Variants in ZNF888 observed in about 807,000 individuals in gnomAD.
ZNF888 encodes the protein CTD-2331H12.6.
In ZNF888, 5 loss-of-function variants were observed where a neutral mutation model predicts 7.2. That is an observed-to-expected ratio of 0.70 (90% CI 0.36 to 1.46). The LOEUF (loss-of-function observed/expected upper bound fraction) is 1.46, where lower values mean the gene tolerates loss of function less well. ZNF888 is among the 40% of genes most tolerant of loss of function. The probability of loss-of-function intolerance (pLI) is 0.03; values close to 1 mark genes in which losing one functional copy is unlikely to be tolerated. For synonymous variants in ZNF888, 240 were observed against 284.3 expected, an observed-to-expected ratio of 0.84 and a Z score of 1.57; for missense variants, 716 against 858.0, an observed-to-expected ratio of 0.83 and a Z score of 2.07.
intron 4 of ZNF888, among the ~76,000 whole-genome samples, chr19:52,912,300 A>G (rs1391365461): frequency 6.8e-6 from 1 of 146,936 alleles, no homozygotes; most frequent in Non-Finnish European, 1.5e-5. Context: ...TTTTTAGTAG[A>G]GATGGGGTTT....
Position 52,905,856 on chromosome 19 carries a change from T to C in ZNF888, c.*309A>G. On this transcript the variant is annotated 3_prime_UTR_variant, in exon 5 of 5. Transcript: ENST00000638862. ...TTGTAAGATTTCTGTCCAGTATGGA[T>C]TCTTTGATGTCTAATGAGGTGTGAA... 1 of 734,536 alleles carries C rather than the reference T, an allele frequency of 1.4e-6. No homozygotes were observed. Among genetic ancestry groups the C allele is most frequent in the Admixed American group, 1.8e-5 (1 of 55,474 alleles). The allele number at this position is 734,536 out of a possible 1,614,324, so 45.5% of individuals were successfully genotyped here. A position where few individuals can be genotyped will look rare whatever the true frequency, so the allele number is the denominator to read the frequency against.
Position 52,905,942 on chromosome 19 carries a change from TCTC to T in ZNF888, c.*220_*222del. 10 of 829,558 alleles carry T rather than the reference TCTC, an allele frequency of 1.2e-5. 1 individual carries two copies. Among genetic ancestry groups the T allele is most frequent in the Middle Eastern group, 4.5e-4 (2 of 4,490 alleles). The allele number at this position is 829,558 out of a possible 1,614,324, so 51.4% of individuals were successfully genotyped here. A position where few individuals can be genotyped will look rare whatever the true frequency, so the allele number is the denominator to read the frequency against. ...TGTGAGGTTTCTCTCCTGTATGAAT[TCTC>T]CTGTTTTGCATAGGATGAAGCTTGA... On this transcript the variant is annotated 3_prime_UTR_variant, in exon 5 of 5. Coordinates refer to ENST00000638862, the MANE Select transcript of ZNF888 (RefSeq NM_001393938.1).
chr19:52,923,158 C>G (rs901011958), intron 1 of ZNF888, among the ~76,000 whole-genome samples: 1 of 152,120 alleles, frequency 6.6e-6, no homozygotes, highest in Non-Finnish European at 1.5e-5. Context: ...ATACATTGCC[C>G]TATAGCAAAA....
At chr19:52,914,273 C>T (rs2064718657) in intron 4 of ZNF888, 1 of 846,036 alleles carries the variant, frequency 1.2e-6, no homozygotes, top group Non-Finnish European at 1.4e-6. Flanking sequence ...TCCACTCTGC[C>T]CATCTGAGCT....
In ZNF888 at chr19:52,906,782, C is replaced by T. The variant is rs890494302; in HGVS notation, c.1540G>A (p.Val514Ile). The change falls in exon 5 of 5, where the codon GTA (valine) becomes ATA (isoleucine). Residue 514 changes from valine (V) to isoleucine (I), a missense_variant. By Grantham distance (29) the Val-to-Ile change is conservative (BLOSUM62 3). Transcript: ENST00000638862. ...TAAGGTTTCTCTCCAGTGTGAATTACAGTATGTTGTGCCAGGTGTGAATCA... is the reference window on the plus strand; with the variant it reads ...TAAGGTTTCTCTCCAGTGTGAATTATAGTATGTTGTGCCAGGTGTGAATCA... ...RRDSHLAQHT[V>I]IHTGEKPYKC... is the part of the protein sequence containing the mutation. 11 of 1,609,228 alleles carry T rather than the reference C, an allele frequency of 6.8e-6. No individual in the cohort carries two copies. The African/African-American group carries it at 1.2e-4, about 18-fold the overall frequency.
intron 4 of ZNF888, among the ~76,000 whole-genome samples, chr19:52,909,070 G>A (rs761406484): frequency 2.5e-4 from 37 of 150,810 alleles, no homozygotes; most frequent in Non-Finnish European, 3.5e-4. Context: ...GCTTGAACCC[G>A]GGAGGCGAAG....
intron 4 of ZNF888, among the ~76,000 whole-genome samples, chr19:52,910,785 A>C (rs1600679179): frequency 1.3e-5 from 2 of 152,252 alleles, no homozygotes; most frequent in South Asian, 4.1e-4. Context: ...TCTGTCTCTT[A>C]AGCCTCCCAG....
chr19:52,907,641 T>A lies in ZNF888; in HGVS notation c.681A>T (p.Ser227=), dbSNP rs545719676. 1.1e-5 allele frequency: 18 copies of A among 1,604,398 alleles called. No homozygotes were observed. The East Asian group carries it at 3.6e-4, about 32-fold the overall frequency. Reference sequence around the variant, plus strand: ...GAATTATCTGATGTTTTTTAAAGAGTGAGCTACAATTAAAGGATTTGCCAC... The same window carrying A: ...GAATTATCTGATGTTTTTTAAAGAGAGAGCTACAATTAAAGGATTTGCCAC... The part of the protein sequence containing the change: ...NESGKSFNCS[S]LFKKHQIIHL... The change falls in exon 5 of 5, where the codon TCA becomes TCT. Residue 227 remains serine, a synonymous_variant. Transcript: ENST00000638862.
At chr19:52,917,977 CAG>C in intron 2 of ZNF888, 46 bp from the exon 3 acceptor site, 3 of 1,590,012 alleles carry the variant, frequency 1.9e-6, no homozygotes, top group Non-Finnish European at 2.6e-6. Context: ...GTTTATTGCT[CAG>C]AGTCAACATA....
intron 1 of ZNF888, among the ~76,000 whole-genome samples, chr19:52,919,974 G>T (rs113774133): frequency 2.0e-5 from 1 of 50,724 alleles, no homozygotes; most frequent in Non-Finnish European, 4.2e-5. Context: ...CAGCCGCCCC[G>T]TCCGGGAGGT....
rs1294969604 is a variant in ZNF888 at position 52,923,398 on chromosome 19, T to C, written c.-207A>G. On this transcript the variant is annotated 5_prime_UTR_variant, in exon 1 of 5. Coordinates refer to ENST00000638862, the MANE Select transcript of ZNF888 (RefSeq NM_001393938.1). ...GCAGTGTGACTTCCAGTCCACGCGA[T>C]CCGCTTCCTGGTCCGGGCGAATCTA... is the stretch of plus-strand genomic sequence containing the variant. The C allele has an allele frequency of 4.1e-6, 4 of 985,494 alleles. No homozygotes were observed. Among genetic ancestry groups the C allele is most frequent in the Non-Finnish European group, 4.8e-6 (4 of 830,036 alleles). The allele number at this position is 985,494 out of a possible 1,614,324, so 61.0% of individuals were successfully genotyped here. A position where few individuals can be genotyped will look rare whatever the true frequency, so the allele number is the denominator to read the frequency against.
intron 3 of ZNF888, among the ~76,000 whole-genome samples, chr19:52,915,784 G>A (rs901681304): frequency 3.3e-5 from 2 of 60,802 alleles, no homozygotes; most frequent in South Asian, 4.7e-4. Context: ...CTCACATGAC[G>A]TCTTTATTAT....
chr19:52,912,181 T>C (rs541749738), intron 4 of ZNF888, among the ~76,000 whole-genome samples: 86 of 148,482 alleles, frequency 5.8e-4, no homozygotes, highest in African/African-American at 2.1e-3. Context: ...TGGCAAGATC[T>C]CGGCTCACTG....
At chr19:52,923,056 G>T (rs1188648836) in intron 1 of ZNF888, among the ~76,000 whole-genome samples, 1 of 152,164 alleles carries the variant, frequency 6.6e-6, no homozygotes, top group Admixed American at 6.5e-5. Flanking sequence ...GCCAGAGCAG[G>T]GATCCACCTC....
chr19:52,923,134 G>A lies in ZNF888; in HGVS notation c.-178+235C>T, dbSNP rs545186470. On this transcript the variant is annotated intron_variant, in intron 1 of 4. Transcript: ENST00000638862. ...AAACGGTTGTGAACGGGAAAACTAC[G>A]CGATACAAACTGTATACATTGCCCT... is the stretch of plus-strand genomic sequence containing the variant. Among the ~76,000 whole-genome samples, 3 of 152,246 alleles carry A rather than the reference G, an allele frequency of 2.0e-5. No homozygotes were observed. The South Asian group carries it at 6.2e-4, about 32-fold the overall frequency.
chr19:52,908,162 T>A lies in ZNF888; in HGVS notation c.160A>T (p.Met54Leu), dbSNP rs770295530. The change falls in exon 5 of 5, where the codon ATG becomes TTG. Residue 54 changes from methionine to leucine, a missense_variant. Around this residue, in one of 2 missense-constraint regions of ZNF888, gnomAD observed 697 missense variants for 803.4 expected, o/e 0.87. Transcript: ENST00000638862. ...TTCCCTATTGATGAGAACTCCATCATGCATTTGGAAGAGATATCTACAAAA... is the reference window on the plus strand; with the variant it reads ...TTCCCTATTGATGAGAACTCCATCAAGCATTTGGAAGAGATATCTACAAAA... The part of the protein sequence containing the change: ...LVSLDISSKC[M>L]MEFSSIGKGN... The A allele has an allele frequency of 6.2e-7, 1 of 1,614,042 alleles. No individual in the cohort carries two copies. The highest frequency in any genetic ancestry group is 1.1e-5 in the South Asian group (1 of 91,084).
At chr19:52,911,332 G>GTTTCC (rs2064675159) in intron 4 of ZNF888, among the ~76,000 whole-genome samples, 1 of 145,196 alleles carries the variant, frequency 6.9e-6, no homozygotes, top group Non-Finnish European at 1.5e-5. Flanking sequence ...ATTTCTTTTT[G>GTTTCC]TTTTCTTTTC....
intron 3 of ZNF888, among the ~76,000 whole-genome samples, chr19:52,915,595 C>T (rs2064736516): frequency 6.6e-6 from 1 of 152,130 alleles, no homozygotes; most frequent in Non-Finnish European, 1.5e-5. Flanking sequence ...CTCCCTCAGC[C>T]TCCCAAGTAG....
chr19:52,923,324 G>A lies in ZNF888; in HGVS notation c.-178+45C>T, dbSNP rs139393294. ...CCACATCCCAGGTACAGAATTGCCG[G>A]GGACCTGGAGGCACAGCCTCAATAC... On this transcript the variant is annotated intron_variant, in intron 1 of 4. Coordinates refer to ENST00000638862, the MANE Select transcript of ZNF888 (RefSeq NM_001393938.1). 5.4e-5 allele frequency: 53 copies of A among 985,722 alleles called. No individual in the cohort carries two copies. In the East Asian group the frequency reaches 5.3e-3, roughly 99 times the overall value. The allele number at this position is 985,722 out of a possible 1,614,324, so 61.1% of individuals were successfully genotyped here.
Sources: gnomAD v4.1 joint callset for allele counts (sites outside exome capture counted in the v4.1 genomes callset) on GRCh38, gnomAD v4.1.1 for gene constraint, gnomAD v4.1.1 regional missense constraint, MANE v1.5 for transcripts, NCBI Gene and HGNC (gene_info 2026-07-23, HGNC 2026-07-21) for gene names.